The following BTC variants were observed in gnomAD, a reference collection of about 807,000 sequenced individuals.
BTC encodes probetacellulin.
Under a neutral mutation model 18.1 loss-of-function variants are expected in BTC, and 13 were observed. The observed-to-expected ratio is 0.72, with a 90% CI of 0.47 to 1.14. The LOEUF (loss-of-function observed/expected upper bound fraction) is 1.14. Ranked by LOEUF, BTC falls within the 50% of genes most tolerant of loss-of-function variation. BTC has a pLI of 0.00. For synonymous variants in BTC, 83 were observed against 79.4 expected, an observed-to-expected ratio of 1.05 and a Z score of -0.24; for missense variants, 247 against 224.2, an observed-to-expected ratio of 1.10 and a Z score of -0.65.
At chr4:74,763,668 A>G (rs1553957546) in intron 2 of BTC, among the ~76,000 whole-genome samples, 1 of 152,138 alleles carries the variant, frequency 6.6e-6, no homozygotes, top group Admixed American at 6.5e-5. Context: ...AAAAAGAATC[A>G]GGGATTAATA....
rs1725003390 is a variant in BTC, at chr4:74,770,215, CT to C, written c.65-60del. The C allele has an allele frequency of 3.0e-6, 4 of 1,340,756 alleles. No individual in the cohort carries two copies. In the African/African-American group the frequency reaches 5.9e-5, roughly 20 times the overall value. The allele number at this position is 1,340,756 out of a possible 1,614,324, so 83.1% of individuals were successfully genotyped here. On this transcript the variant is annotated intron_variant, in intron 1 of 5. Transcript: ENST00000395743. ...GAAAATTTGCTTATTGTGAAACAGT[CT>C]ATCAAAGTCATCACCCATTTCACCC...
intron 2 of BTC, among the ~76,000 whole-genome samples, chr4:74,764,136 T>A (rs1724836591): frequency 6.6e-6 from 1 of 152,080 alleles, no homozygotes; most frequent in Admixed American, 6.5e-5. Flanking sequence ...TGAACAAAAA[T>A]AACTACTTCC....
At chr4:74,771,060 T>C (rs1464443836) in intron 1 of BTC, among the ~76,000 whole-genome samples, 1 of 151,964 alleles carries the variant, frequency 6.6e-6, no homozygotes, top group Non-Finnish European at 1.5e-5. Flanking sequence ...GTTGGCCACA[T>C]ATTGATAATT....
chr4:74,767,986 T>C (rs1301562697), intron 2 of BTC, among the ~76,000 whole-genome samples: 1 of 152,102 alleles, frequency 6.6e-6, no homozygotes, highest in South Asian at 2.1e-4. Flanking sequence ...ATTTCTTAGA[T>C]GTGACACCAA....
intron 1 of BTC, among the ~76,000 whole-genome samples, chr4:74,778,408 C>T (rs1009379962): frequency 6.6e-6 from 1 of 152,032 alleles, no homozygotes; most frequent in African/African-American, 2.4e-5. Flanking sequence ...TTGAGAGTTA[C>T]AAGCTTGGGG....
chr4:74,779,759 C>T (rs1725269537), intron 1 of BTC, among the ~76,000 whole-genome samples: 1 of 152,058 alleles, frequency 6.6e-6, no homozygotes, highest in Admixed American at 6.6e-5. Flanking sequence ...TAGATGCTCA[C>T]CCAACCTGAA....
chr4:74,781,346 CTT>C (rs1307658820), intron 1 of BTC, among the ~76,000 whole-genome samples: 4 of 152,024 alleles, frequency 2.6e-5, no homozygotes, highest in African/African-American at 9.6e-5. Context: ...AAGCTTGTCT[CTT>C]TTCCATCCAC....
rs1368640152 is a variant in BTC at position 74,745,431 on chromosome 4, A to T, written c.*1246T>A. 1.3e-5 allele frequency: 2 copies of T among 152,240 alleles called. No homozygotes were observed. Among genetic ancestry groups the T allele is most frequent in the African/African-American group, 4.8e-5 (2 of 41,474 alleles). The allele number at this position is 152,240 out of a possible 1,614,324, so 9.4% of individuals were successfully genotyped here. ...GGCCGACAGGCACAAGTTGGGGGGC[A>T]TCTTCCATCGATTTTTGTAAGTGAA... On this transcript the variant is annotated 3_prime_UTR_variant, in exon 6 of 6. Transcript: ENST00000395743.
chr4:74,777,268 G>C (rs1051775099), intron 1 of BTC, among the ~76,000 whole-genome samples: 6 of 152,140 alleles, frequency 3.9e-5, no homozygotes, highest in African/African-American at 1.2e-4. Flanking sequence ...TAAAAATGTA[G>C]CTGTGTGCTG....
chr4:74,748,122 C>CTTTCTTT lies in BTC; in HGVS notation c.449_455dup (p.Glu157ArgfsTer9), dbSNP rs1724339442. The CTTTCTTT allele has an allele frequency of 6.2e-7, 1 of 1,609,458 alleles. No homozygotes were observed. The highest frequency in any genetic ancestry group is 1.3e-5 in the African/African-American group (1 of 74,868). On this transcript the variant is annotated frameshift_variant, in exon 5 of 6. Transcript: ENST00000395743. LOFTEE classifies it high-confidence loss of function. ...GAGTTTCCATTTCTTCTTCTTTCTT[C>CTTTCTTT]TTTCTTTTACGACGTTTCCGAAGAG...
At chr4:74,749,154 G>C (rs1434792013) in intron 4 of BTC, among the ~76,000 whole-genome samples, 1 of 152,112 alleles carries the variant, frequency 6.6e-6, no homozygotes, top group Non-Finnish European at 1.5e-5. Context: ...CTCTGGCCGG[G>C]CGCGGTGGCT....
rs960298086 is a variant in BTC, at chr4:74,767,528, A to T, written c.163+2530T>A. Reference sequence around the variant, plus strand: ...ACCCAAAGTGATCTACAGACTGACTATCAAAATTCCAATGACTTTTTTTTT... The same window carrying T: ...ACCCAAAGTGATCTACAGACTGACTTTCAAAATTCCAATGACTTTTTTTTT... On this transcript the variant is annotated intron_variant, in intron 2 of 5. Transcript: ENST00000395743. Among the ~76,000 whole-genome samples, 16 of 152,066 alleles carry T rather than the reference A, an allele frequency of 1.1e-4. 1 individual carries two copies. Among genetic ancestry groups the T allele is most frequent in the Non-Finnish European group, 2.9e-5 (2 of 67,956 alleles).
At chr4:74,753,413 C>T (rs1724515324) in intron 3 of BTC, among the ~76,000 whole-genome samples, 1 of 152,170 alleles carries the variant, frequency 6.6e-6, no homozygotes, top group African/African-American at 2.4e-5. Context: ...GGCAGTCTGG[C>T]TCTCAAGTTC....
At chr4:74,764,640 C>T (rs1433259928) in intron 2 of BTC, among the ~76,000 whole-genome samples, 1 of 152,102 alleles carries the variant, frequency 6.6e-6, no homozygotes, top group Non-Finnish European at 1.5e-5. Context: ...TGAAATACTA[C>T]TTGGCCATAA....
At position 74,783,931 on chromosome 4, in the gene BTC, G is replaced by A. The variant is rs764296504; in HGVS notation, c.64+10331C>T. On this transcript the variant is annotated intron_variant, in intron 1 of 5. Coordinates refer to ENST00000395743, the MANE Select transcript of BTC (RefSeq NM_001729.4). Reference sequence around the variant, plus strand: ...GGCTCTTGGCTTGACTGTTGTTGGTGTATAAGAATGCTAGGGATTAGGCTG... The same window carrying A: ...GGCTCTTGGCTTGACTGTTGTTGGTATATAAGAATGCTAGGGATTAGGCTG... Among the ~76,000 whole-genome samples the A allele has an allele frequency of 3.1e-4, 47 of 151,960 alleles. 1 individual carries two copies. The highest frequency in any genetic ancestry group is 4.6e-4 in the Non-Finnish European group (31 of 67,984).
In BTC at chr4:74,746,312, T is replaced by C. The variant is rs574614230; in HGVS notation, c.*365A>G. 9 of 152,390 alleles carry C rather than the reference T, an allele frequency of 5.9e-5. No individual in the cohort carries two copies. In the East Asian group the frequency reaches 1.5e-3, roughly 26 times the overall value. The allele number at this position is 152,390 out of a possible 1,614,324, so 9.4% of individuals were successfully genotyped here. On this transcript the variant is annotated 3_prime_UTR_variant, in exon 6 of 6. Transcript: ENST00000395743. ...AATATATTTCAAACTTATTAGCACA[T>C]GGTAAATGCTTGATAAATGGTAGCT...
chr4:74,785,804 G>T (rs1177625225), intron 1 of BTC, among the ~76,000 whole-genome samples: 1 of 152,112 alleles, frequency 6.6e-6, no homozygotes, highest in African/African-American at 2.4e-5. Context: ...TTCTCCTAAA[G>T]CCAGAACCTT....
intron 3 of BTC, among the ~76,000 whole-genome samples, chr4:74,753,805 C>T (rs1315633054): frequency 6.9e-6 from 1 of 145,774 alleles, no homozygotes; most frequent in Non-Finnish European, 1.5e-5. Context: ...GGCAATATAA[C>T]AAGACCTTCT....
chr4:74,763,953 A>G (rs1409472617), intron 2 of BTC, among the ~76,000 whole-genome samples: 1 of 151,734 alleles, frequency 6.6e-6, no homozygotes, highest in Non-Finnish European at 1.5e-5. Flanking sequence ...GTGTCAAAAC[A>G]GCCCACTGTA....
Sources: allele counts gnomAD v4.1 joint callset (sites outside exome capture counted in the v4.1 genomes callset), GRCh38; gene constraint gnomAD v4.1.1; transcripts MANE v1.5; gene names NCBI Gene and HGNC (gene_info 2026-07-23, HGNC 2026-07-21).